Variants in ZCCHC17 observed in about 807,000 individuals in gnomAD.
ZCCHC17 encodes the protein zinc finger CCHC-type containing 17.
A neutral mutation model predicts 30.6 loss-of-function variants in ZCCHC17; 18 were observed. The observed-to-expected ratio is 0.59, with a 90% confidence interval of 0.41 to 0.87. ZCCHC17 has a LOEUF of 0.87. Among genes scored for constraint, ZCCHC17 ranks in the 40% least tolerant of loss-of-function variants. The pLI is 0.00. For missense variants in ZCCHC17, 263 were observed against 284.2 expected (o/e 0.93, Z 0.54); for synonymous variants, 88 against 92.4 (o/e 0.95, Z 0.27).
intron 1 of ZCCHC17, among the ~76,000 whole-genome samples, chr1:31,302,548 T>C (rs1646342676): frequency 6.6e-6 from 1 of 152,210 alleles, no homozygotes; most frequent in Non-Finnish European, 1.5e-5. Flanking sequence ...ACCTAGTTAG[T>C]GTTAGAGCTA....
chr1:31,325,783 G>T (rs187983711), intron 3 of ZCCHC17, among the ~76,000 whole-genome samples: 133 of 152,306 alleles, frequency 8.7e-4, no homozygotes, highest in Middle Eastern at 3.4e-3. Context: ...AGCCCAGCAG[G>T]TCCAAGCAAA....
intron 2 of ZCCHC17, among the ~76,000 whole-genome samples, chr1:31,312,816 A>G (rs143115156): frequency 7.2e-5 from 11 of 152,206 alleles, no homozygotes; most frequent in East Asian, 3.9e-4. Flanking sequence ...TTGGAGTGCA[A>G]TGGTGTGATC....
In ZCCHC17 at chr1:31,353,131, A is replaced by G. The variant is rs190090576; in HGVS notation, c.564+4157A>G. Among the ~76,000 whole-genome samples, 402 of 152,284 alleles carry G rather than the reference A, an allele frequency of 2.6e-3. 2 individuals are homozygous for G. The highest frequency in any genetic ancestry group is 8.7e-3 in the African/African-American group (360 of 41,554). On this transcript the variant is annotated intron_variant, in intron 7 of 7. Coordinates refer to ENST00000344147, the MANE Select transcript of ZCCHC17 (RefSeq NM_016505.4). Reference sequence around the variant, plus strand: ...ATTTCCCTAATGATTAGTGATATTGAATATCTTTTCATGTGCTTATTGGCC... The same window carrying G: ...ATTTCCCTAATGATTAGTGATATTGGATATCTTTTCATGTGCTTATTGGCC...
chr1:31,311,835 T>C (rs1484858000), intron 2 of ZCCHC17, among the ~76,000 whole-genome samples: 1 of 152,194 alleles, frequency 6.6e-6, no homozygotes, highest in Admixed American at 6.5e-5. Flanking sequence ...CGTGGGGGTA[T>C]TAAGAGGTGG....
chr1:31,347,732 C>G (rs1639325684), intron 6 of ZCCHC17, among the ~76,000 whole-genome samples: 1 of 152,138 alleles, frequency 6.6e-6, no homozygotes, highest in African/African-American at 2.4e-5. Context: ...ACCTCAGCCT[C>G]CTGAGTAGCT....
intron 5 of ZCCHC17, among the ~76,000 whole-genome samples, chr1:31,343,528 A>T (rs1419205777): frequency 2.0e-5 from 3 of 152,136 alleles, no homozygotes; most frequent in African/African-American, 7.2e-5. Flanking sequence ...TCTAACTCTT[A>T]TATTCATCCC....
At chr1:31,306,746 C>T (rs1646468891) in intron 1 of ZCCHC17, among the ~76,000 whole-genome samples, 1 of 152,168 alleles carries the variant, frequency 6.6e-6, no homozygotes, top group South Asian at 2.1e-4. Context: ...TACCTCACTG[C>T]AGCCTTGATC....
chr1:31,321,384 A>G (rs1646856723), intron 3 of ZCCHC17, among the ~76,000 whole-genome samples: 2 of 152,322 alleles, frequency 1.3e-5, no homozygotes, highest in Admixed American at 1.3e-4. Flanking sequence ...TTCCCCAGCC[A>G]TGCTGAACTG....
chr1:31,314,921 C>T (rs1646695252), intron 2 of ZCCHC17, among the ~76,000 whole-genome samples: 1 of 152,144 alleles, frequency 6.6e-6, no homozygotes, highest in Non-Finnish European at 1.5e-5. Context: ...TCTGCCTTGG[C>T]CTCCCAAAGT....
chr1:31,315,159 G>T (rs1377202584), intron 2 of ZCCHC17, among the ~76,000 whole-genome samples: 1 of 152,090 alleles, frequency 6.6e-6, no homozygotes, highest in Non-Finnish European at 1.5e-5. Context: ...TGTCTCATAT[G>T]TCTTGGTAAC....
intron 3 of ZCCHC17, among the ~76,000 whole-genome samples, chr1:31,326,233 G>A (rs1189023638): frequency 6.6e-6 from 1 of 151,990 alleles, no homozygotes; most frequent in Admixed American, 6.6e-5. Flanking sequence ...TGCTAAGGAA[G>A]GGATGTACAT....
intron 2 of ZCCHC17, among the ~76,000 whole-genome samples, chr1:31,317,704 G>C (rs1449730873): frequency 6.6e-6 from 1 of 152,008 alleles, no homozygotes; most frequent in Non-Finnish European, 1.5e-5. Flanking sequence ...CTGGCCTCAG[G>C]CCACGCTCCA....
At chr1:31,345,162 G>A (rs1185450846) in intron 5 of ZCCHC17, among the ~76,000 whole-genome samples, 1 of 149,478 alleles carries the variant, frequency 6.7e-6, no homozygotes, top group Non-Finnish European at 1.5e-5. Context: ...TTGTTTGTTT[G>A]TTTGTTTGTT....
At chr1:31,315,051 G>A (rs538829940) in intron 2 of ZCCHC17, among the ~76,000 whole-genome samples, 52 of 152,274 alleles carry the variant, frequency 3.4e-4, no homozygotes, top group Non-Finnish European at 1.5e-5. Flanking sequence ...GTACAACTCT[G>A]TTACAGCATT....
At chr1:31,346,937 CT>C (rs1172019648) in intron 6 of ZCCHC17, 197 bp downstream of exon 6, 6 of 1,187,106 alleles carry the variant, frequency 5.1e-6, no homozygotes, top group Non-Finnish European at 5.8e-6. Flanking sequence ...AGTGCTGGCC[CT>C]ACCAGATACT....
rs181429991 is a variant in ZCCHC17, at chr1:31,337,061, G to T, written c.125-114G>T. Reference sequence around the variant, plus strand: ...GCAGTTTTAAGTTTCACGCTTTTCAGTAAAAATTTTCATTTTTCCCTTGCA... The same window carrying T: ...GCAGTTTTAAGTTTCACGCTTTTCATTAAAAATTTTCATTTTTCCCTTGCA... On this transcript the variant is annotated intron_variant, in intron 3 of 7. Transcript: ENST00000344147. 3 of 929,676 alleles carry T rather than the reference G, an allele frequency of 3.2e-6. No homozygotes were observed. The East Asian group carries it at 7.9e-5, about 24-fold the overall frequency. 57.6% of individuals were successfully genotyped at this position (929,676 alleles called of 1,614,324 possible).
intron 1 of ZCCHC17, among the ~76,000 whole-genome samples, chr1:31,309,046 G>A (rs1646535231): frequency 6.6e-6 from 1 of 151,960 alleles, no homozygotes; most frequent in African/African-American, 2.4e-5. Flanking sequence ...TATTATTAAT[G>A]TATTATCTGA....
chr1:31,364,282 T>C lies in ZCCHC17; in HGVS notation c.*89T>C, dbSNP rs540702936. 9 of 1,485,504 alleles carry C rather than the reference T, an allele frequency of 6.1e-6. No homozygotes were observed. The highest frequency in any genetic ancestry group is 2.8e-5 in the African/African-American group (2 of 70,472). The allele number at this position is 1,485,504 out of a possible 1,614,324, so 92.0% of individuals were successfully genotyped here. A position where few individuals can be genotyped will look rare whatever the true frequency, so the allele number is the denominator to read the frequency against. On this transcript the variant is annotated 3_prime_UTR_variant, in exon 8 of 8. Transcript: ENST00000344147. The stretch of plus-strand genomic sequence containing the variant: ...CTGGAAAGACTCAATAGTGAGAATA[T>C]AGCCTCCCACCCCATTAACTTCGCT...
intron 3 of ZCCHC17, among the ~76,000 whole-genome samples, chr1:31,319,570 T>C (rs1646813983): frequency 6.6e-6 from 1 of 152,174 alleles, no homozygotes; most frequent in Admixed American, 6.6e-5. Context: ...ATATATAATA[T>C]ATATAATGTT....
Sources: allele counts gnomAD v4.1 joint callset (sites outside exome capture counted in the v4.1 genomes callset), GRCh38; gene constraint gnomAD v4.1.1; transcripts MANE v1.5; gene names NCBI Gene and HGNC (gene_info 2026-07-23, HGNC 2026-07-21).